STOX1: variants seen among roughly 807,000 people sequenced by gnomAD.
STOX1 encodes the protein storkhead-box protein 1.
In STOX1, 57 loss-of-function variants were observed where a neutral mutation model predicts 74.8. That is an observed-to-expected ratio of 0.76 (90% CI 0.62 to 0.95). The LOEUF is 0.95. STOX1 is among the 40% of genes least tolerant of loss of function. STOX1 has a pLI of 0.00. For missense variants in STOX1, 1,010 were observed against 1,117.0 expected, an observed-to-expected ratio of 0.90 and a Z score of 1.37; for synonymous variants, 375 against 401.3, an observed-to-expected ratio of 0.93 and a Z score of 0.78.
intron 1 of STOX1, among the ~76,000 whole-genome samples, chr10:68,828,733 A>G (rs1442246454): frequency 6.6e-6 from 1 of 152,120 alleles, no homozygotes; most frequent in Non-Finnish European, 1.5e-5. Flanking sequence ...AGCGAACGGC[A>G]TTCTGGTTTT....
chr10:68,844,007 T>G (rs1352630365), intron 1 of STOX1, among the ~76,000 whole-genome samples: 1 of 151,958 alleles, frequency 6.6e-6, no homozygotes, highest in Non-Finnish European at 1.5e-5. Context: ...GGTGAAGCCC[T>G]GTCTCTACTA....
At chr10:68,834,393 C>T (rs1839489233) in intron 1 of STOX1, among the ~76,000 whole-genome samples, 1 of 152,138 alleles carries the variant, frequency 6.6e-6, no homozygotes, top group African/African-American at 2.4e-5. Context: ...TGTTCTGTGA[C>T]TTAGGGAATG....
chr10:68,889,321 G>A (rs957010228), intron 3 of STOX1, among the ~76,000 whole-genome samples: 13 of 152,268 alleles, frequency 8.5e-5, no homozygotes, highest in Admixed American at 6.5e-4. Context: ...TTTTGGCTAA[G>A]ATCAAGTGTA....
At chr10:68,833,771 T>G (rs974610399) in intron 1 of STOX1, among the ~76,000 whole-genome samples, 2 of 152,212 alleles carry the variant, frequency 1.3e-5, no homozygotes, top group East Asian at 3.8e-4. Flanking sequence ...GTTTTGCTTT[T>G]CTTTCTTTTT....
At chr10:68,890,137 T>C (rs1337199137) in intron 3 of STOX1, among the ~76,000 whole-genome samples, 1 of 152,050 alleles carries the variant, frequency 6.6e-6, no homozygotes, top group Non-Finnish European at 1.5e-5. Context: ...CATTCTGTTA[T>C]GTGGACTATA....
At chr10:68,855,516 G>A (rs1050809599) in intron 1 of STOX1, among the ~76,000 whole-genome samples, 5 of 151,688 alleles carry the variant, frequency 3.3e-5, no homozygotes, top group African/African-American at 1.2e-4. Context: ...TCAGTTCACT[G>A]CGGCCTCGAC....
chr10:68,877,437 C>A (rs1022495703), intron 1 of STOX1, among the ~76,000 whole-genome samples: 10 of 152,096 alleles, frequency 6.6e-5, no homozygotes, highest in Non-Finnish European at 1.5e-4. Flanking sequence ...TTTGAAAAAT[C>A]AAGTTTTTGC....
intron 3 of STOX1, among the ~76,000 whole-genome samples, chr10:68,888,388 C>T (rs1355400332): frequency 6.6e-6 from 1 of 152,174 alleles, no homozygotes; most frequent in Non-Finnish European, 1.5e-5. Flanking sequence ...AGGTGTGAGC[C>T]ACTGTGCCTG....
At chr10:68,880,293 G>A (rs1170193031) in intron 1 of STOX1, among the ~76,000 whole-genome samples, 1 of 150,922 alleles carries the variant, frequency 6.6e-6, no homozygotes, top group Non-Finnish European at 1.5e-5. Context: ...AGTAATCCTC[G>A]CACCTTAGCC....
intron 1 of STOX1, among the ~76,000 whole-genome samples, chr10:68,839,558 A>G (rs1194167583): frequency 6.6e-6 from 1 of 152,172 alleles, no homozygotes; most frequent in Non-Finnish European, 1.5e-5. Flanking sequence ...AAAGAACAAT[A>G]AAAAACAAAG....
At chr10:68,834,834 C>A (rs769142598) in intron 1 of STOX1, among the ~76,000 whole-genome samples, 2 of 152,070 alleles carry the variant, frequency 1.3e-5, no homozygotes, top group African/African-American at 2.4e-5. Flanking sequence ...AAGCGATTCT[C>A]CTGCCTTAGC....
chr10:68,882,500 CTTT>C (rs202110171), intron 2 of STOX1, among the ~76,000 whole-genome samples: 1 of 141,454 alleles, frequency 7.1e-6, no homozygotes, highest in African/African-American at 2.6e-5. Flanking sequence ...TAAATTGGAT[CTTT>C]TTTTTTTTTT....
In STOX1 at chr10:68,884,366, G is replaced by C; in HGVS notation, c.570G>C (p.Gln190His). ...AAGGATACTTCATAGTTACTCCTCA[G>C]ACTTACTTCATTACAAATACAACCA... ...TGEGYFIVTP[Q>H]TYFITNTTTQ... The change falls in exon 3 of 4, where the codon CAG (glutamine) becomes CAC (histidine). Residue 190 changes from glutamine to histidine, a missense_variant. Transcript: ENST00000298596. 2 of 1,614,126 alleles carry C rather than the reference G, an allele frequency of 1.2e-6. No individual in the cohort carries two copies. The highest frequency in any genetic ancestry group is 1.7e-6 in the Non-Finnish European group (2 of 1,180,032).
At chr10:68,884,054 A>T (rs886495462) in intron 2 of STOX1, among the ~76,000 whole-genome samples, 1 of 152,200 alleles carries the variant, frequency 6.6e-6, no homozygotes, top group African/African-American at 2.4e-5. Flanking sequence ...CCTGGGCTCA[A>T]GTGATCCTCC....
At chr10:68,887,373 C>G (rs1228297575) in intron 3 of STOX1, among the ~76,000 whole-genome samples, 1 of 152,146 alleles carries the variant, frequency 6.6e-6, no homozygotes, top group Non-Finnish European at 1.5e-5. Flanking sequence ...ACCTCCGCCT[C>G]CTGGATTCAA....
chr10:68,889,335 CG>C (rs1841044455), intron 3 of STOX1, among the ~76,000 whole-genome samples: 1 of 152,074 alleles, frequency 6.6e-6, no homozygotes, highest in African/African-American at 2.4e-5. Flanking sequence ...AAGTGTAAAA[CG>C]TTTTTTTGTG....
rs1472610414 is a variant in STOX1 at position 68,892,682 on chromosome 10, T to C, written c.2916T>C (p.Ser972=). Residue 972 remains serine, a synonymous_variant, in exon 4 of 4, where the codon AGT becomes AGC. Transcript: ENST00000298596. The part of the protein sequence containing the change: ...FLQNVEGTKS[S]QPLTSNSLLP... ...AAAATGTCGAAGGCACAAAGAGCAG[T>C]CAACCACTCACATCTAATTCCTTAC... 1 of 1,613,990 alleles carries C rather than the reference T, an allele frequency of 6.2e-7. No homozygotes were observed. The highest frequency in any genetic ancestry group is 1.7e-5 in the Admixed American group (1 of 60,022).
At chr10:68,853,795 C>T (rs879332331) in intron 1 of STOX1, among the ~76,000 whole-genome samples, 1 of 151,642 alleles carries the variant, frequency 6.6e-6, no homozygotes, top group Non-Finnish European at 1.5e-5. Context: ...AAGTGATTCT[C>T]CTGCCTCAGC....
rs554369253 is a variant in STOX1, at chr10:68,876,447, C to G, written c.311-5511C>G. Among the ~76,000 whole-genome samples, 102 of 152,172 alleles carry G rather than the reference C, an allele frequency of 6.7e-4. 1 individual carries two copies. The South Asian group carries it at 8.3e-3, about 12-fold the overall frequency. ...CTGGGATTACAGGCATGAGCCACCA[C>G]ACCTGGCCAACAAAAAAATTTTATT... On this transcript the variant is annotated intron_variant, in intron 1 of 3. Coordinates refer to ENST00000298596, the MANE Select transcript of STOX1 (RefSeq NM_152709.5).
Sources: allele counts gnomAD v4.1 joint callset (sites outside exome capture counted in the v4.1 genomes callset), GRCh38; gene constraint gnomAD v4.1.1; transcripts MANE v1.5; gene names NCBI Gene and HGNC (gene_info 2026-07-23, HGNC 2026-07-21).